Variants in ZNF346 observed in about 807,000 individuals in gnomAD.
ZNF346 encodes the protein double-stranded RNA-binding zinc finger protein JAZ.
In ZNF346, 23 loss-of-function variants were observed where a neutral mutation model predicts 33.7. The observed-to-expected ratio is 0.68, with a 90% CI of 0.49 to 0.97. ZNF346 has a LOEUF of 0.97. ZNF346 is among the 50% of genes least tolerant of loss of function. ZNF346 has a pLI of 0.00. For missense variants in ZNF346, 340 were observed against 371.1 expected (o/e 0.92, Z 0.69); for synonymous variants, 134 against 142.4 (o/e 0.94, Z 0.42).
chr5:177,075,369 AC>A (rs1279952190), intron 8 of ZNF346, among the ~76,000 whole-genome samples: 1 of 152,164 alleles, frequency 6.6e-6, no homozygotes, highest in African/African-American at 2.4e-5. Context: ...GTAACACTGT[AC>A]CCCGGCCTGG....
rs1779278849 is a variant in ZNF346, at chr5:177,041,107, C to G, written c.176-19C>G. 1 of 1,593,444 alleles carries G rather than the reference C, an allele frequency of 6.3e-7. No individual in the cohort carries two copies. The highest frequency in any genetic ancestry group is 8.6e-7 in the Non-Finnish European group (1 of 1,161,438). Reference sequence around the variant, plus strand: ...GTAGTGTTTGTCAACTCAATGATTTCTTGTTTTCCCCTCTATAGTGGAGCA... The same window carrying G: ...GTAGTGTTTGTCAACTCAATGATTTGTTGTTTTCCCCTCTATAGTGGAGCA... On this transcript the variant is annotated intron_variant, in intron 1 of 6. Coordinates refer to ENST00000358149, the MANE Select transcript of ZNF346 (RefSeq NM_012279.4).
intron 8 of ZNF346, among the ~76,000 whole-genome samples, chr5:177,075,964 G>A (rs1783726631): frequency 6.6e-6 from 1 of 152,216 alleles, no homozygotes. Flanking sequence ...TGGGATTACA[G>A]GCGTGAGCCA....
At position 177,035,022 on chromosome 5, in the gene ZNF346, C is replaced by CTT. The variant is rs397966758; in HGVS notation, c.176-6093_176-6092dup. ...TTTTCTTTTTCTTTTCTTTTCTTTT[C>CTT]TTTTTTTTTTTTGAGATGGAGTCTT... is the stretch of plus-strand genomic sequence containing the variant. On this transcript the variant is annotated intron_variant, in intron 1 of 6. Coordinates refer to ENST00000358149, the MANE Select transcript of ZNF346 (RefSeq NM_012279.4). Among the ~76,000 whole-genome samples, 685 of 145,386 alleles carry CTT rather than the reference C, an allele frequency of 4.7e-3. 2 individuals are homozygous for CTT. The highest frequency in any genetic ancestry group is 9.9e-3 in the South Asian group (46 of 4,640).
rs188573446 is a variant in ZNF346 at position 177,045,021 on chromosome 5, T to G, written c.517+488T>G. Among the ~76,000 whole-genome samples the G allele has an allele frequency of 2.6e-5, 4 of 152,314 alleles. No homozygotes were observed. The East Asian group carries it at 7.7e-4, about 29-fold the overall frequency. ...GACTTGCCTTTCAAAGCTGAATACT[T>G]CAGTGCTGCTACTACTGCCCCACAA... On this transcript the variant is annotated intron_variant, in intron 4 of 6. Transcript: ENST00000358149.
At chr5:177,073,230 A>G (rs1783588860) in intron 8 of ZNF346, among the ~76,000 whole-genome samples, 1 of 152,258 alleles carries the variant, frequency 6.6e-6, no homozygotes, top group African/African-American at 2.4e-5. Context: ...GTGATTGAAT[A>G]CATTAATGAA....
intron 1 of ZNF346, among the ~76,000 whole-genome samples, chr5:177,040,803 TC>T (rs1779246814): frequency 6.6e-6 from 1 of 152,238 alleles, no homozygotes; most frequent in Non-Finnish European, 1.5e-5. Context: ...GTTCTCTTCT[TC>T]CTGGGGAATG....
chr5:177,064,198 A>G (rs565034185), intron 6 of ZNF346, among the ~76,000 whole-genome samples: 2 of 152,316 alleles, frequency 1.3e-5, no homozygotes, highest in South Asian at 4.1e-4. Flanking sequence ...GTGGTTTGGT[A>G]TAGTGAAAAG....
At chr5:177,044,627 G>T in intron 4 of ZNF346, 94 bp downstream of exon 4, 1 of 1,367,284 alleles carries the variant, frequency 7.3e-7, no homozygotes, top group African/African-American at 1.5e-5. Context: ...TGAGGCCACA[G>T]ACTTGAAGAA....
chr5:177,073,417 C>T (rs1307402565), intron 8 of ZNF346, among the ~76,000 whole-genome samples: 2 of 152,308 alleles, frequency 1.3e-5, no homozygotes, highest in East Asian at 3.9e-4. Flanking sequence ...GATCCTCCCA[C>T]CTCAGCCTCC....
At chr5:177,057,692 T>G (rs1246243022) in intron 5 of ZNF346, among the ~76,000 whole-genome samples, 1 of 151,094 alleles carries the variant, frequency 6.6e-6, no homozygotes. Context: ...GAGCCAAGAT[T>G]GTGCCACTGC....
chr5:177,037,385 A>C (rs902682769), intron 1 of ZNF346, among the ~76,000 whole-genome samples: 1 of 152,176 alleles, frequency 6.6e-6, no homozygotes, highest in African/African-American at 2.4e-5. Context: ...CTTGAGCTTC[A>C]AGTGACTGAC....
intron 4 of ZNF346, among the ~76,000 whole-genome samples, chr5:177,049,396 C>T (rs78870997): frequency 1.3e-5 from 2 of 152,194 alleles, no homozygotes; most frequent in East Asian, 1.9e-4. Context: ...CTGGGCCCCA[C>T]ATTTTTAAAG....
At chr5:177,038,268 TG>T (rs770699284) in intron 1 of ZNF346, among the ~76,000 whole-genome samples, 19,189 of 139,862 alleles carry the variant, frequency 0.14, 3,055 homozygotes, top group African/African-American at 0.39. Context: ...TTTTTTTTTT[TG>T]TGTGTGTGTG....
intron 1 of ZNF346, among the ~76,000 whole-genome samples, chr5:177,033,035 A>G (rs538798645): frequency 6.6e-6 from 1 of 152,278 alleles, no homozygotes; most frequent in East Asian, 1.9e-4. Flanking sequence ...ATTCTCATCC[A>G]TGGGTAGATT....
At position 177,064,504 on chromosome 5, in the gene ZNF346, A is replaced by G; in HGVS notation, c.798-8A>G. 6.2e-7 allele frequency: 1 copy of G among 1,613,336 alleles called. No individual in the cohort carries two copies. The highest frequency in any genetic ancestry group is 8.5e-7 in the Non-Finnish European group (1 of 1,179,200). ...TGACCCTCTTCCTTTGTTCCTTCTC[A>G]AATACAGGTCACCAAAAACAGTGGC... is the stretch of plus-strand genomic sequence containing the variant. On this transcript the variant is annotated splice_polypyrimidine_tract_variant and splice_region_variant and intron_variant, in intron 6 of 6. Coordinates refer to ENST00000358149, the MANE Select transcript of ZNF346 (RefSeq NM_012279.4).
chr5:177,072,940 C>A (rs1290485773), downstream of ZNF346, among the ~76,000 whole-genome samples: 2 of 152,200 alleles, frequency 1.3e-5, no homozygotes, highest in Non-Finnish European at 2.9e-5. Flanking sequence ...AACTTGCAAC[C>A]AAGATTTCTG....
Position 177,043,504 on chromosome 5 carries a change from A to G in ZNF346, c.373-885A>G, listed in dbSNP as rs1357211860. On this transcript the variant is annotated intron_variant, in intron 3 of 6. Coordinates refer to ENST00000358149, the MANE Select transcript of ZNF346 (RefSeq NM_012279.4). ...TGGGAGGCTGGGTGCGGTGGCTCAT[A>G]CCTGTAATCCTAGCAATTTAGGTGG... Among the ~76,000 whole-genome samples the G allele has an allele frequency of 2.0e-5, 3 of 151,898 alleles. No individual in the cohort carries two copies. In the East Asian group the frequency reaches 5.8e-4, roughly 29 times the overall value.
At chr5:177,041,989 C>A in intron 3 of ZNF346, 119 bp downstream of exon 3, 1 of 604,758 alleles carries the variant, frequency 1.7e-6, no homozygotes, top group South Asian at 2.3e-5. Context: ...GTGACTCGGG[C>A]AAGTCTATTA....
At chr5:177,044,773 G>A (rs1194357993) in intron 4 of ZNF346, among the ~76,000 whole-genome samples, 2 of 152,130 alleles carry the variant, frequency 1.3e-5, no homozygotes, top group Non-Finnish European at 2.9e-5. Flanking sequence ...CTTTTGTCCT[G>A]ACTAATAATT....
Sources: allele counts gnomAD v4.1 joint callset (sites outside exome capture counted in the v4.1 genomes callset), GRCh38; gene constraint gnomAD v4.1.1; transcripts MANE v1.5; gene names NCBI Gene and HGNC (gene_info 2026-07-23, HGNC 2026-07-21).